The following MDH2 variants were observed in gnomAD, a reference collection of about 807,000 sequenced individuals.
The protein encoded by MDH2 is malate dehydrogenase, mitochondrial.
Under a neutral mutation model 33.6 loss-of-function variants are expected in MDH2, and 25 were observed. That is an observed-to-expected ratio of 0.74 (90% CI 0.54 to 1.04). The LOEUF is 1.04. MDH2 is among the 50% of genes least tolerant of loss of function. MDH2 has a pLI of 0.00. For missense variants in MDH2, 432 were observed against 445.0 expected (o/e 0.97, Z 0.26); for synonymous variants, 193 against 188.7 (o/e 1.02, Z -0.19).
At chr7:76,053,355 T>C (rs565373264) in intron 1 of MDH2, among the ~76,000 whole-genome samples, 2 of 152,126 alleles carry the variant, frequency 1.3e-5, no homozygotes, top group East Asian at 3.9e-4. Flanking sequence ...TCACACAAGA[T>C]GTGGGAGTGA....
chr7:76,048,372 G>C, intron 1 of MDH2, 146 bp downstream of exon 1: 1 of 1,270,428 alleles, frequency 7.9e-7, no homozygotes, highest in Non-Finnish European at 1.0e-6. Context: ...GGCGCCCGGG[G>C]CAGGCCCTGA....
At chr7:76,064,216 A>G (rs1334186183) in intron 6 of MDH2, 123 bp from the exon 7 acceptor site, 6 of 641,592 alleles carry the variant, frequency 9.4e-6, no homozygotes, top group African/African-American at 1.9e-5. Context: ...TCTTTATAGA[A>G]AACCTTTCCC....
chr7:76,048,686 G>C, intron 1 of MDH2: 1 of 1,245,390 alleles, frequency 8.0e-7, no homozygotes. Context: ...ACCGAGGCTA[G>C]AGAACTGGGC....
At chr7:76,050,031 C>G (rs1334475671) in intron 1 of MDH2, among the ~76,000 whole-genome samples, 1 of 152,070 alleles carries the variant, frequency 6.6e-6, no homozygotes, top group Non-Finnish European at 1.5e-5. Flanking sequence ...GGGGTTTCAC[C>G]ATGTTGGCCA....
intron 8 of MDH2, 34 bp downstream of exon 8, chr7:76,064,987 G>GA (rs782050401): frequency 6.2e-7 from 1 of 1,611,350 alleles, no homozygotes; most frequent in African/African-American, 1.3e-5. Context: ...TCTGACTGTG[G>GA]AATAAGGGGG....
At chr7:76,064,563 G>A in intron 7 of MDH2, 125 bp downstream of exon 7, 13 of 994,118 alleles carry the variant, frequency 1.3e-5, no homozygotes, top group Non-Finnish European at 1.9e-5. Context: ...GCAGTTGCCT[G>A]GTGGAAAATC....
chr7:76,065,334 C>T (rs963604942), intron 8 of MDH2, among the ~76,000 whole-genome samples: 3 of 152,174 alleles, frequency 2.0e-5, no homozygotes, highest in Admixed American at 6.5e-5. Flanking sequence ...AATTCCTCTT[C>T]GAGAGTGTGC....
At position 76,064,792 on chromosome 7, in the gene MDH2, G is replaced by C; in HGVS notation, c.734-10G>C. The C allele has an allele frequency of 6.2e-7, 1 of 1,612,056 alleles. No individual in the cohort carries two copies. Among genetic ancestry groups the C allele is most frequent in the Middle Eastern group, 1.7e-4 (1 of 5,756 alleles). On this transcript the variant is annotated splice_polypyrimidine_tract_variant and intron_variant, in intron 7 of 8. Transcript: ENST00000315758. ...GCACCAGCCAGGCTGACCTGTCTGT[G>C]CCCCCCTAGGCTCTGCCACCCTCTC...
chr7:76,063,731 G>A (rs939627568), intron 6 of MDH2, 139 bp downstream of exon 6: 14 of 787,338 alleles, frequency 1.8e-5, no homozygotes, highest in South Asian at 3.0e-5. Context: ...AGGCAGCCCC[G>A]CCCCTCTGCT....
At chr7:76,064,708 T>A in intron 7 of MDH2, 94 bp from the exon 8 acceptor site, 2 of 1,380,664 alleles carry the variant, frequency 1.4e-6, no homozygotes, top group Non-Finnish European at 2.0e-6. Flanking sequence ...ACTGTCAGGC[T>A]GGAAGGTGTG....
rs573586508 is a variant in MDH2 at position 76,065,966 on chromosome 7, C to T, written c.886-313C>T. The stretch of plus-strand genomic sequence containing the variant: ...GTCCAGGTGCTTGTCGCATTGTCCT[C>T]GTGTTCACGAAGGTGGATGGTGCTT... On this transcript the variant is annotated intron_variant, in intron 8 of 8. Transcript: ENST00000315758. Among the ~76,000 whole-genome samples, 151 of 152,284 alleles carry T rather than the reference C, an allele frequency of 9.9e-4. 1 individual carries two copies. The highest frequency in any genetic ancestry group is 3.4e-3 in the Middle Eastern group (1 of 294).
At position 76,057,448 on chromosome 7, in the gene MDH2, G is replaced by A; in HGVS notation, c.274G>A (p.Gly92Ser). 1 of 1,614,202 alleles carries A rather than the reference G, an allele frequency of 6.2e-7. No individual in the cohort carries two copies. The highest frequency in any genetic ancestry group is 8.5e-7 in the Non-Finnish European group (1 of 1,180,048). The part of the protein sequence containing the change: ...GPEQLPDCLK[G>S]CDVVVIPAGV... ...TGAACAGCTGCCTGACTGCCTGAAA[G>A]GTTGTGATGTGGTAGTTATTCCGGC... Residue 92 changes from glycine to serine, a missense_variant, in exon 3 of 9, where the codon GGT (glycine) becomes AGT (serine). By Grantham distance (56) the Gly-to-Ser change is moderately conservative (BLOSUM62 0). Transcript: ENST00000315758.
rs539695292 is a variant in MDH2, at chr7:76,066,715, C to T, written c.*305C>T. Reference sequence around the variant, plus strand: ...GTTTAACTGTTAGACTGAAGCGTGACGCTTTCATCAGTAGCTTCAAGAAAG... The same window carrying T: ...GTTTAACTGTTAGACTGAAGCGTGATGCTTTCATCAGTAGCTTCAAGAAAG... On this transcript the variant is annotated 3_prime_UTR_variant, in exon 9 of 9. Transcript: ENST00000315758. 44 of 211,074 alleles carry T rather than the reference C, an allele frequency of 2.1e-4. 1 individual carries two copies. Among genetic ancestry groups the T allele is most frequent in the South Asian group, 5.0e-4 (4 of 8,038 alleles). 13.1% of individuals were successfully genotyped at this position (211,074 alleles called of 1,614,324 possible). A position where few individuals can be genotyped will look rare whatever the true frequency, so the allele number is the denominator to read the frequency against.
At chr7:76,057,353 T>G (rs1476891233) in intron 2 of MDH2, 57 bp from the exon 3 acceptor site, 1 of 1,600,864 alleles carries the variant, frequency 6.2e-7, no homozygotes, top group Non-Finnish European at 8.6e-7. Context: ...GGCTGAACTT[T>G]CCAGGCCTCT....
chr7:76,048,637 A>G, intron 1 of MDH2: 1 of 1,267,588 alleles, frequency 7.9e-7, no homozygotes, highest in Admixed American at 3.9e-5. Flanking sequence ...TGCGTGAATA[A>G]AAGAAATCGT....
At chr7:76,053,048 G>A (rs1797669972) in intron 1 of MDH2, among the ~76,000 whole-genome samples, 1 of 152,196 alleles carries the variant, frequency 6.6e-6, no homozygotes, top group Admixed American at 6.5e-5. Flanking sequence ...TTTTGGGAAA[G>A]CATGCTTTGG....
chr7:76,061,250 G>A (rs558534797), intron 5 of MDH2, among the ~76,000 whole-genome samples: 17 of 152,260 alleles, frequency 1.1e-4, no homozygotes, highest in Non-Finnish European at 2.4e-4. Context: ...GAGGTTATAC[G>A]TGCGGCATGG....
chr7:76,055,830 A>ATTTTT (rs34519552), intron 2 of MDH2, among the ~76,000 whole-genome samples: 3 of 141,954 alleles, frequency 2.1e-5, no homozygotes, highest in Non-Finnish European at 4.5e-5. Context: ...ATGTCACCAA[A>ATTTTT]TTTTTTTTTT....
rs578038537 is a variant in MDH2 at position 76,060,600 on chromosome 7, GTGTCACTT to G, written c.555+105_555+112del. The G allele has an allele frequency of 4.0e-5, 60 of 1,501,292 alleles. No homozygotes were observed. The East Asian group carries it at 1.3e-3, about 32-fold the overall frequency. 93.0% of individuals were successfully genotyped at this position (1,501,292 alleles called of 1,614,324 possible). ...AGACATGAAGGCATGCCCAGGTCAC[GTGTCACTT>G]TGGGGTTTTAAATGTTTTTAGAGCT... On this transcript the variant is annotated intron_variant, in intron 5 of 8. Transcript: ENST00000315758.
Sources: allele counts gnomAD v4.1 joint callset (sites outside exome capture counted in the v4.1 genomes callset), GRCh38; gene constraint gnomAD v4.1.1; transcripts MANE v1.5; gene names NCBI Gene and HGNC (gene_info 2026-07-23, HGNC 2026-07-21).